LIMK1: variants seen among roughly 807,000 people sequenced by gnomAD.
The protein encoded by LIMK1 is LIM motif-containing protein kinase.
LIMK1 carries 21 observed loss-of-function variants against 77.6 expected under a neutral mutation model. That is an observed-to-expected ratio of 0.27 (90% CI 0.19 to 0.39). The LOEUF (loss-of-function observed/expected upper bound fraction) is 0.39, where lower values mean the gene tolerates loss of function less well. LIMK1 is among the 10% of genes least tolerant of loss of function. The pLI is 1.00. For missense variants in LIMK1, 696 were observed against 901.6 expected, an observed-to-expected ratio of 0.77 and a Z score of 2.92; for synonymous variants, 358 against 370.0, an observed-to-expected ratio of 0.97 and a Z score of 0.37.
In LIMK1 at chr7:74,106,164, C is replaced by A. The variant is rs782143183; in HGVS notation, c.802C>A (p.Pro268Thr). ...CGATACACTGGGCCACGGGCTGGGG[C>A]CTGAGACCAGCCCCCTGAGCTCTCC... ...PHDTLGHGLG[P>T]ETSPLSSPAY... Residue 268 changes from proline to threonine, a missense_variant, in exon 7 of 16, where the codon CCT (proline) becomes ACT (threonine). Transcript: ENST00000336180. The A allele has an allele frequency of 1.2e-6, 2 of 1,613,910 alleles. No individual in the cohort carries two copies. Among genetic ancestry groups the A allele is most frequent in the African/African-American group, 2.7e-5 (2 of 74,934 alleles).
rs1554697705 is a variant in LIMK1, at chr7:74,107,026, G to A, written c.898G>A (p.Asp300Asn). The A allele has an allele frequency of 6.3e-6, 10 of 1,593,742 alleles. No homozygotes were observed. The highest frequency in any genetic ancestry group is 1.3e-5 in the African/African-American group (1 of 74,544). Residue 300 changes from aspartate (D) to asparagine (N), a missense_variant, in exon 8 of 16, where the codon GAC becomes AAC. Around this residue, in one of 3 missense-constraint regions of LIMK1, gnomAD observed 438 missense variants for 602.3 expected, o/e 0.73. Coordinates refer to ENST00000336180, the MANE Select transcript of LIMK1 (RefSeq NM_002314.4). The stretch of plus-strand genomic sequence containing the variant: ...GCCCCCCAGGAGGAGCTGCAGCATC[G>A]ACAGGTCTCCGGGCGCTGGCTCACT... The part of the protein sequence containing the change: ...QKPVLRSCSI[D>N]RSPGAGSLGS...
rs1431482582 is a variant in LIMK1, at chr7:74,095,111, A to G, written c.153-1511A>G. ...CATTAGCAGACAGCCCATGAGTGAT[A>G]CCCATGCAGGCCCCAGGCTGTGGAG... is the stretch of plus-strand genomic sequence containing the variant. On this transcript the variant is annotated intron_variant, in intron 2 of 15. Coordinates refer to ENST00000336180, the MANE Select transcript of LIMK1 (RefSeq NM_002314.4). Among the ~76,000 whole-genome samples the G allele has an allele frequency of 7.2e-5, 11 of 152,210 alleles. No individual in the cohort carries two copies. In the East Asian group the frequency reaches 2.1e-3, roughly 29 times the overall value.
chr7:74,108,859 C>T (rs1563920909), intron 9 of LIMK1, 46 bp from the exon 10 acceptor site: 1 of 1,599,434 alleles, frequency 6.3e-7, no homozygotes, highest in Non-Finnish European at 8.5e-7. Context: ...CCAAGCACAG[C>T]TGGGACCACA....
chr7:74,117,967 G>T (rs1343807099), intron 13 of LIMK1, among the ~76,000 whole-genome samples: 1 of 151,762 alleles, frequency 6.6e-6, no homozygotes, highest in Non-Finnish European at 1.5e-5. Context: ...AATTACCCGG[G>T]TGTGGTGGCA....
At chr7:74,111,244 C>T (rs1205055472) in intron 10 of LIMK1, 2 of 203,912 alleles carry the variant, frequency 9.8e-6, no homozygotes, top group Non-Finnish European at 2.0e-5. Flanking sequence ...CAAGACCAGC[C>T]TGACCAACAT....
intron 12 of LIMK1, among the ~76,000 whole-genome samples, chr7:74,114,028 A>T (rs1169641595): frequency 6.6e-6 from 1 of 152,156 alleles, no homozygotes; most frequent in African/African-American, 2.4e-5. Flanking sequence ...AGGCAGGCAG[A>T]TCACTTGAGG....
intron 13 of LIMK1, among the ~76,000 whole-genome samples, chr7:74,120,105 T>A (rs1799900171): frequency 6.6e-6 from 1 of 152,074 alleles, no homozygotes; most frequent in South Asian, 2.1e-4. Context: ...CAGGGCCACC[T>A]CCTCCTCTTC....
chr7:74,109,186 C>T (rs537602026), intron 10 of LIMK1, 150 bp downstream of exon 10: 757 of 667,554 alleles, frequency 1.1e-3, no homozygotes, highest in Non-Finnish European at 1.9e-3. Flanking sequence ...AAAAGGGGAG[C>T]GACTGACTCC....
chr7:74,102,767 C>T (rs1417910947), intron 5 of LIMK1, among the ~76,000 whole-genome samples: 2 of 151,832 alleles, frequency 1.3e-5, no homozygotes, highest in African/African-American at 4.8e-5. Flanking sequence ...CCTATTGTCT[C>T]TATACTGAAC....
At chr7:74,089,699 C>T (rs1384830163) in intron 2 of LIMK1, among the ~76,000 whole-genome samples, 7 of 151,966 alleles carry the variant, frequency 4.6e-5, no homozygotes, top group Non-Finnish European at 1.0e-4. Flanking sequence ...CTGGAGGGGA[C>T]ATGGGCTATC....
At chr7:74,093,753 C>G (rs1367526672) in intron 2 of LIMK1, among the ~76,000 whole-genome samples, 1 of 152,152 alleles carries the variant, frequency 6.6e-6, no homozygotes, top group Non-Finnish European at 1.5e-5. Flanking sequence ...CGAGGGAGTT[C>G]CTCTCTGGCT....
At chr7:74,092,413 C>T (rs966532675) in intron 2 of LIMK1, among the ~76,000 whole-genome samples, 1 of 152,288 alleles carries the variant, frequency 6.6e-6, no homozygotes, top group Admixed American at 6.5e-5. Flanking sequence ...AGGGCTCAGC[C>T]GGGACCAGAT....
intron 12 of LIMK1, 51 bp downstream of exon 12, chr7:74,112,049 A>C: frequency 7.0e-7 from 1 of 1,423,520 alleles, no homozygotes; most frequent in Non-Finnish European, 9.7e-7. Context: ...GCAGGAGCCC[A>C]TCCAACCCCA....
At chr7:74,115,610 G>T in intron 12 of LIMK1, 192 bp from the exon 13 acceptor site, 1 of 580,664 alleles carries the variant, frequency 1.7e-6, no homozygotes, top group South Asian at 2.1e-5. Flanking sequence ...ATCTTCAGGT[G>T]CTTCCCGCAG....
chr7:74,085,975 T>C, intron 2 of LIMK1, 131 bp downstream of exon 2: 3 of 643,614 alleles, frequency 4.7e-6, no homozygotes, highest in Non-Finnish European at 8.3e-6. Flanking sequence ...GTGGCCTTAA[T>C]TTACCATTTA....
Position 74,108,889 on chromosome 7 carries a change from G to A in LIMK1, c.1153-16G>A, listed in dbSNP as rs200040402. On this transcript the variant is annotated splice_polypyrimidine_tract_variant and intron_variant, in intron 9 of 15. Coordinates refer to ENST00000336180, the MANE Select transcript of LIMK1 (RefSeq NM_002314.4). ...ACCACACAGAGCCCGGGCCCAGCCT[G>A]TTTGTGCCCCGCCAGGTGAAGGTCA... The A allele has an allele frequency of 1.9e-5, 31 of 1,611,834 alleles. No individual in the cohort carries two copies. The African/African-American group carries it at 4.1e-4, about 22-fold the overall frequency.
intron 9 of LIMK1, among the ~76,000 whole-genome samples, chr7:74,108,280 A>G (rs1481836428): frequency 6.6e-6 from 1 of 151,362 alleles, no homozygotes; most frequent in Non-Finnish European, 1.5e-5. Flanking sequence ...GGAGGCTGCA[A>G]TGAGCCATGA....
At chr7:74,112,633 G>A (rs1188936822) in intron 12 of LIMK1, among the ~76,000 whole-genome samples, 5 of 151,718 alleles carry the variant, frequency 3.3e-5, no homozygotes, top group Non-Finnish European at 7.4e-5. Flanking sequence ...TGGCCAACAT[G>A]GCTAACACGG....
At position 74,106,320 on chromosome 7, in the gene LIMK1, G is replaced by A; in HGVS notation, c.881+77G>A. ...CTCAGGGGCTGTGGGACCTAGGTCGGGGAGCCAGCCCTGCACAAATGCAGC... is the reference window on the plus strand; with the variant it reads ...CTCAGGGGCTGTGGGACCTAGGTCGAGGAGCCAGCCCTGCACAAATGCAGC... On this transcript the variant is annotated intron_variant, in intron 7 of 15. Transcript: ENST00000336180. 6 of 1,505,260 alleles carry A rather than the reference G, an allele frequency of 4.0e-6. No homozygotes were observed. In the South Asian group the frequency reaches 7.9e-5, roughly 20 times the overall value. The allele number at this position is 1,505,260 out of a possible 1,614,324, so 93.2% of individuals were successfully genotyped here.
Sources: allele counts gnomAD v4.1 joint callset (sites outside exome capture counted in the v4.1 genomes callset), GRCh38; gene constraint gnomAD v4.1.1; regional missense constraint gnomAD v4.1.1; transcripts MANE v1.5; gene names NCBI Gene and HGNC (gene_info 2026-07-23, HGNC 2026-07-21).